OSMR: variants seen among roughly 807,000 people sequenced by gnomAD.
OSMR encodes the protein oncostatin M receptor, also known as oncostatin-M-specific receptor subunit beta.
OSMR carries 81 observed loss-of-function variants against 99.9 expected under a neutral mutation model. The observed-to-expected ratio is 0.81, with a 90% CI of 0.68 to 0.97. The LOEUF (loss-of-function observed/expected upper bound fraction) is 0.97, where lower values mean the gene tolerates loss of function less well. Among genes scored for constraint, OSMR ranks in the 50% least tolerant of loss-of-function variants. The pLI is 0.00. For synonymous variants in OSMR, 406 were observed against 410.4 expected, an observed-to-expected ratio of 0.99 and a Z score of 0.13; for missense variants, 1,099 against 1,153.4, an observed-to-expected ratio of 0.95 and a Z score of 0.68.
intron 11 of OSMR, chr5:38,921,374 G>T: frequency 2.2e-6 from 1 of 460,972 alleles, no homozygotes; most frequent in Non-Finnish European, 2.8e-6. Context: ...CTGAAGTCTG[G>T]TTGGGCTTCA....
intron 6 of OSMR, 36 bp downstream of exon 6, chr5:38,885,520 TC>T: frequency 6.2e-7 from 1 of 1,613,314 alleles, no homozygotes; most frequent in Non-Finnish European, 8.5e-7. Context: ...GACAACTTCT[TC>T]CTTGCTTGAG....
At chr5:38,938,008 A>G (rs113607892), downstream of OSMR, 1 of 198,228 alleles carries the variant, frequency 5.0e-6, no homozygotes, top group Non-Finnish European at 1.0e-5. Flanking sequence ...GACATAAACT[A>G]TACACATTAT....
At chr5:38,931,786 A>G in intron 15 of OSMR, 97 bp from the exon 16 acceptor site, 1 of 1,559,174 alleles carries the variant, frequency 6.4e-7, no homozygotes, top group Non-Finnish European at 8.7e-7. Flanking sequence ...AGAAATAATA[A>G]ACATGTAAAA....
chr5:38,847,687 G>A (rs568353597), intron 1 of OSMR, among the ~76,000 whole-genome samples: 15 of 152,214 alleles, frequency 9.9e-5, no homozygotes, highest in African/African-American at 3.4e-4. Flanking sequence ...TGTTTTCCCC[G>A]TAGCATTTGT....
rs763094232 is a variant in OSMR, at chr5:38,924,470, C to A, written c.1919C>A (p.Ser640Tyr). ...CTGGTGGATACATTGACATCCCACTCCTTCACTCTGAGTTGGAAAGATTAC... is the reference window on the plus strand; with the variant it reads ...CTGGTGGATACATTGACATCCCACTACTTCACTCTGAGTTGGAAAGATTAC... ...HVLVDTLTSH[S>Y]FTLSWKDYST... The change falls in exon 14 of 18, where the codon TCC becomes TAC. Residue 640 changes from serine (S) to tyrosine (Y), a missense_variant. Ser to Tyr is a moderately radical substitution (Grantham distance 144, BLOSUM62 -2). Coordinates refer to ENST00000274276, the MANE Select transcript of OSMR (RefSeq NM_003999.3). 1.2e-6 allele frequency: 2 copies of A among 1,613,980 alleles called. No homozygotes were observed. The highest frequency in any genetic ancestry group is 2.2e-5 in the East Asian group (1 of 44,888).
intron 1 of OSMR, among the ~76,000 whole-genome samples, chr5:38,856,136 G>T (rs1476000521): frequency 6.6e-6 from 1 of 152,202 alleles, no homozygotes. Flanking sequence ...AACTTGAGGA[G>T]AATTTATTTA....
chr5:38,919,370 G>A (rs1206057231), intron 11 of OSMR: 3 of 1,342,590 alleles, frequency 2.2e-6, no homozygotes, highest in African/African-American at 1.5e-5. Flanking sequence ...ACCACTGAGA[G>A]TTGGAGTTAC....
intron 9 of OSMR, among the ~76,000 whole-genome samples, chr5:38,906,877 A>G (rs1323765194): frequency 6.6e-6 from 1 of 151,910 alleles, no homozygotes; most frequent in South Asian, 2.1e-4. Context: ...ACCAAAAACT[A>G]AAAAAAATAG....
At chr5:38,888,157 T>C (rs1427235036) in intron 7 of OSMR, among the ~76,000 whole-genome samples, 1 of 152,094 alleles carries the variant, frequency 6.6e-6, no homozygotes, top group African/African-American at 2.4e-5. Context: ...AGGAGTTGGT[T>C]TCTGATTTGC....
intron 1 of OSMR, chr5:38,943,349 T>G (rs1416910152): frequency 6.1e-6 from 1 of 164,120 alleles, no homozygotes; most frequent in Non-Finnish European, 1.3e-5. Flanking sequence ...CTGGGCTATT[T>G]CTTTGGATAC....
In OSMR at chr5:38,861,779, G is replaced by T. The variant is rs567623211; in HGVS notation, c.-13-7253G>T. Among the ~76,000 whole-genome samples the T allele has an allele frequency of 5.5e-3, 836 of 150,814 alleles. 4 individuals are homozygous for T. The highest frequency in any genetic ancestry group is 0.02 in the African/African-American group (802 of 41,050). ...CCCCACCTCCCTCCTGGACGGGGCGGCTGGCCGGGCAGAGGGGCTCCTCAC... is the reference window on the plus strand; with the variant it reads ...CCCCACCTCCCTCCTGGACGGGGCGTCTGGCCGGGCAGAGGGGCTCCTCAC... On this transcript the variant is annotated intron_variant, in intron 1 of 17. Transcript: ENST00000274276.
intron 2 of OSMR, among the ~76,000 whole-genome samples, chr5:38,875,850 G>A (rs10051319): frequency 0.14 from 20,652 of 152,092 alleles, 3,245 homozygotes; most frequent in East Asian, 0.48. Flanking sequence ...GTTCAGAAAT[G>A]TAACATTTCC....
At chr5:38,887,769 C>CT (rs1461273033) in intron 7 of OSMR, among the ~76,000 whole-genome samples, 2 of 152,080 alleles carry the variant, frequency 1.3e-5, no homozygotes, top group Admixed American at 6.5e-5. Flanking sequence ...ATAAATGCAA[C>CT]TTGGAGAGAT....
downstream of OSMR, chr5:38,945,402 A>T (rs2112812085): frequency 1.2e-6 from 1 of 862,466 alleles, no homozygotes; most frequent in South Asian, 1.7e-5. Context: ...GAAACTCTGA[A>T]TTAGAATACC....
At chr5:38,884,191 A>G in intron 5 of OSMR, 80 bp downstream of exon 5, 1 of 1,109,658 alleles carries the variant, frequency 9.0e-7, no homozygotes. Context: ...GAAGACAAAT[A>G]AACATTTCTA....
intron 1 of OSMR, among the ~76,000 whole-genome samples, chr5:38,850,757 G>A (rs969481866): frequency 6.6e-6 from 1 of 152,162 alleles, no homozygotes; most frequent in Admixed American, 6.5e-5. Context: ...CAGAAGTTAC[G>A]CTTTCTTGTG....
chr5:38,941,237 C>T (rs1159490403), intron 1 of OSMR: 1 of 232,576 alleles, frequency 4.3e-6, no homozygotes, highest in Non-Finnish European at 8.5e-6. Context: ...AACAAAAACA[C>T]TGATATAAAA....
intron 13 of OSMR, among the ~76,000 whole-genome samples, chr5:38,923,941 C>T (rs988136336): frequency 2.0e-5 from 3 of 152,152 alleles, no homozygotes; most frequent in African/African-American, 7.2e-5. Context: ...TTCAGTGACA[C>T]TTGGATAAGT....
intron 9 of OSMR, among the ~76,000 whole-genome samples, chr5:38,911,748 T>C (rs1370074852): frequency 6.6e-6 from 1 of 152,198 alleles, no homozygotes; most frequent in African/African-American, 2.4e-5. Flanking sequence ...GGATGCAAGG[T>C]TGTGTCAGCC....
Sources: allele counts gnomAD v4.1 joint callset (sites outside exome capture counted in the v4.1 genomes callset), GRCh38; gene constraint gnomAD v4.1.1; transcripts MANE v1.5; gene names NCBI Gene and HGNC (gene_info 2026-07-23, HGNC 2026-07-21).